The following RP1 variants were observed in gnomAD, a reference collection of about 807,000 sequenced individuals.
RP1 encodes oxygen-regulated protein 1.
RP1 carries 16 observed loss-of-function variants against 14.8 expected under a neutral mutation model. The ratio of observed to expected loss-of-function variants is 1.08; its 90% CI spans 0.73 to 1.65. The LOEUF is 1.65. Among genes scored for constraint, RP1 ranks in the 40% most tolerant of loss-of-function variants. The pLI is 0.00. For missense variants in RP1, 2,631 were observed against 2,535.0 expected (o/e 1.04, Z -0.81); for synonymous variants, 876 against 883.6 (o/e 0.99, Z 0.15).
rs867820372 is a variant in RP1, at chr8:54,622,128, C to G, written c.627C>G (p.Leu209=). The change falls in exon 3 of 4, where the codon CTC becomes CTG. Residue 209 remains leucine, a synonymous_variant. Coordinates refer to ENST00000220676, the MANE Select transcript of RP1 (RefSeq NM_006269.2). ...YATDGRRVPS[L]QAVILSSGAV... ...CTGGTCTCTTTTAGGTTCCCAGCCTCCAGGCAGTGATCCTGAGCTCTGGAG... is the reference window on the plus strand; with the variant it reads ...CTGGTCTCTTTTAGGTTCCCAGCCTGCAGGCAGTGATCCTGAGCTCTGGAG... The G allele has an allele frequency of 3.1e-6, 5 of 1,614,136 alleles. No individual in the cohort carries two copies. The Middle Eastern group carries it at 6.6e-4, about 213-fold the overall frequency.
intron 1 of RP1, among the ~76,000 whole-genome samples, chr8:54,602,902 A>C (rs1201410643): frequency 4.6e-5 from 7 of 151,932 alleles, no homozygotes; most frequent in South Asian, 2.1e-4. Context: ...TTTTCTTGTA[A>C]ATTTGTTTGA....
At chr8:54,815,836 C>T (rs529654717) in intron 24 of RP1, among the ~76,000 whole-genome samples, 2 of 152,158 alleles carry the variant, frequency 1.3e-5, no homozygotes, top group African/African-American at 2.4e-5. Flanking sequence ...TCATATTTGG[C>T]TCAGCTGTAG....
chr8:54,598,433 A>G (rs1324117133), intron 1 of RP1, among the ~76,000 whole-genome samples: 1 of 152,112 alleles, frequency 6.6e-6, no homozygotes, highest in Non-Finnish European at 1.5e-5. Flanking sequence ...AATTGTTTTA[A>G]TATTTCCTCT....
rs371829081 is a variant in RP1 at position 54,588,367 on chromosome 8, C to T, written c.-13+29047C>T. On this transcript the variant is annotated intron_variant, in intron 1 of 22. Transcript: ENST00000636932. ...AGAGATCAGTGTGGGATTGAGGAGT[C>T]CAGAAAAGGTTAAGCATGGAGCTGA... Among the ~76,000 whole-genome samples the T allele has an allele frequency of 1.5e-4, 23 of 152,164 alleles. No homozygotes were observed. In the East Asian group the frequency reaches 4.3e-3, roughly 28 times the overall value.
intron 3 of RP1, among the ~76,000 whole-genome samples, chr8:54,643,548 G>C (rs562269513): frequency 2.6e-5 from 4 of 152,298 alleles, no homozygotes; most frequent in East Asian, 3.9e-4. Context: ...TTTAATTGCT[G>C]AGTTGTATTC....
chr8:54,771,445 A>G (rs531563829), downstream of RP1, among the ~76,000 whole-genome samples: 5 of 152,196 alleles, frequency 3.3e-5, no homozygotes, highest in African/African-American at 1.2e-4. Flanking sequence ...CATGTAATCA[A>G]CATCAGTGAT....
intron 27 of RP1, chr8:54,857,133 T>C: frequency 1.9e-6 from 2 of 1,056,610 alleles, no homozygotes; most frequent in Non-Finnish European, 2.4e-6. Context: ...TGGTAAGAAG[T>C]TTATTTTGCA....
At chr8:54,726,363 T>A in exon 17 of RP1, 1 of 1,524,372 alleles carries the variant, frequency 6.6e-7, no homozygotes, top group Non-Finnish European at 8.8e-7. Flanking sequence ...GAAAACCCAA[T>A]GGGAATGTCT....
chr8:54,801,880 C>A (rs1810716800), intron 24 of RP1, among the ~76,000 whole-genome samples: 1 of 152,168 alleles, frequency 6.6e-6, no homozygotes, highest in Non-Finnish European at 1.5e-5. Flanking sequence ...TAATCTAGTT[C>A]TCCAGGAAAG....
At chr8:54,811,754 A>G (rs549562456) in intron 24 of RP1, among the ~76,000 whole-genome samples, 2 of 152,356 alleles carry the variant, frequency 1.3e-5, no homozygotes, top group Non-Finnish European at 2.9e-5. Context: ...TAACATTTCC[A>G]GGTTTTAACT....
At position 54,663,611 on chromosome 8, in the gene RP1, C is replaced by T. The variant is rs1806945938; in HGVS notation, c.1172-88C>T. On this transcript the variant is annotated intron_variant, in intron 6 of 22. Coordinates refer to the RP1 transcript ENST00000636932. ...TCCACTGGGGATCTTGGAACTTTTCCACCATGGATAAGAGGAGATTTCTGT... is the reference window on the plus strand; with the variant it reads ...TCCACTGGGGATCTTGGAACTTTTCTACCATGGATAAGAGGAGATTTCTGT... The T allele has an allele frequency of 1.2e-5, 16 of 1,283,890 alleles. No homozygotes were observed. In the South Asian group the frequency reaches 3.1e-4, roughly 25 times the overall value. The allele number at this position is 1,283,890 out of a possible 1,614,324, so 79.5% of individuals were successfully genotyped here. A position where few individuals can be genotyped will look rare whatever the true frequency, so the allele number is the denominator to read the frequency against.
At position 54,621,291 on chromosome 8, in the gene RP1, G is replaced by A. The variant is rs1282860150; in HGVS notation, c.325G>A (p.Gly109Ser). The change falls in exon 2 of 4, where the codon GGC becomes AGC. Residue 109 changes from glycine (G) to serine (S), a missense_variant. Coordinates refer to ENST00000220676, the MANE Select transcript of RP1 (RefSeq NM_006269.2). ...EDGESYLCSH[G>S]RKVQPVDLDK... The stretch of plus-strand genomic sequence containing the variant: ...CGGCGAGTCCTACCTATGTTCCCAC[G>A]GCAGGAAGGTGCAGCCTGTAGACCT... 1.9e-6 allele frequency: 3 copies of A among 1,613,918 alleles called. No homozygotes were observed. Among genetic ancestry groups the A allele is most frequent in the African/African-American group, 1.3e-5 (1 of 75,032 alleles).
At position 54,732,776 on chromosome 8, in the gene RP1, A is replaced by G. The variant is rs541391658; in HGVS notation, c.2522-1769A>G. Among the ~76,000 whole-genome samples, 25 of 152,264 alleles carry G rather than the reference A, an allele frequency of 1.6e-4. No individual in the cohort carries two copies. The South Asian group carries it at 4.8e-3, about 29-fold the overall frequency. The stretch of plus-strand genomic sequence containing the variant: ...GGCCAAATGTTCACATGTAACACTG[A>G]GTTTTGAAAATTAGATCATGCCATA... On this transcript the variant is annotated intron_variant, in intron 17 of 22. Transcript: ENST00000636932.
At chr8:54,759,882 G>A (rs1043059358) in intron 22 of RP1, among the ~76,000 whole-genome samples, 1 of 152,242 alleles carries the variant, frequency 6.6e-6, no homozygotes, top group Non-Finnish European at 1.5e-5. Flanking sequence ...GTTCCATTTT[G>A]AAAATTTGAA....
chr8:54,625,013 A>C lies in RP1; in HGVS notation c.1131A>C (p.Ser377=), dbSNP rs768707751. 2 of 1,614,208 alleles carry C rather than the reference A, an allele frequency of 1.2e-6. No individual in the cohort carries two copies. Among genetic ancestry groups the C allele is most frequent in the Admixed American group, 1.7e-5 (1 of 60,028 alleles). The stretch of plus-strand genomic sequence containing the variant: ...TTCCAGGAAGAACAGAAAGTCGATC[A>C]TCTGGTTTAAAGCTTGCAGCATGTT... The part of the protein sequence containing the change: ...MSFPGRTESR[S]SGLKLAACSF... The change falls in exon 4 of 4, where the codon TCA becomes TCC. Residue 377 remains serine (S), a synonymous_variant. Transcript: ENST00000220676.
intron 1 of RP1, among the ~76,000 whole-genome samples, chr8:54,573,168 C>T (rs770566868): frequency 6.6e-6 from 1 of 152,140 alleles, no homozygotes; most frequent in Non-Finnish European, 1.5e-5. Flanking sequence ...ACCCAGATGT[C>T]TTAACCAAGT....
intron 1 of RP1, among the ~76,000 whole-genome samples, chr8:54,562,254 A>G (rs11992915): frequency 0.01 from 1,548 of 152,376 alleles, 38 homozygotes; most frequent in African/African-American, 0.034. Flanking sequence ...TTTTCATTAA[A>G]AAAGGAAAGA....
intron 6 of RP1, among the ~76,000 whole-genome samples, chr8:54,657,525 T>C (rs1398638912): frequency 1.3e-5 from 2 of 152,222 alleles, no homozygotes; most frequent in Non-Finnish European, 2.9e-5. Context: ...AAATGATGAT[T>C]TACCCTTGCC....
intron 12 of RP1, among the ~76,000 whole-genome samples, chr8:54,685,797 T>C (rs541800546): frequency 6.6e-6 from 1 of 152,312 alleles, no homozygotes; most frequent in Non-Finnish European, 1.5e-5. Flanking sequence ...TTATGACTAA[T>C]TGAATGCAGC....
Sources: allele counts gnomAD v4.1 joint callset (sites outside exome capture counted in the v4.1 genomes callset), GRCh38; gene constraint gnomAD v4.1.1; transcripts MANE v1.5; gene names NCBI Gene and HGNC (gene_info 2026-07-23, HGNC 2026-07-21).